Variants in CPED1 observed in about 807,000 individuals in gnomAD.
CPED1 encodes the protein cadherin-like and PC-esterase domain-containing protein 1.
Under a neutral mutation model 128.2 loss-of-function variants are expected in CPED1, and 114 were observed. The observed-to-expected ratio is 0.89, with a 90% confidence interval of 0.76 to 1.04. CPED1 has a LOEUF of 1.04. Ranked by LOEUF, CPED1 falls within the 50% of genes least tolerant of loss-of-function variation. The pLI, the probability that CPED1 is intolerant of heterozygous loss-of-function variation, is 0.00. For missense variants in CPED1, 1,211 were observed against 1,207.1 expected (o/e 1.00, Z -0.05); for synonymous variants, 462 against 426.7 (o/e 1.08, Z -1.02).
chr7:121,152,071 C>T (rs766119397), intron 16 of CPED1, among the ~76,000 whole-genome samples: 1 of 151,956 alleles, frequency 6.6e-6, no homozygotes, highest in Non-Finnish European at 1.5e-5. Context: ...TCTTTTTCAC[C>T]CACACCCTTT....
chr7:121,191,017 G>A (rs957155884), intron 16 of CPED1, among the ~76,000 whole-genome samples: 1 of 152,120 alleles, frequency 6.6e-6, no homozygotes, highest in Non-Finnish European at 1.5e-5. Context: ...GGCTGTTATA[G>A]TATTGTTCCT....
intron 10 of CPED1, among the ~76,000 whole-genome samples, chr7:121,127,504 T>C (rs551850794): frequency 2.0e-5 from 3 of 151,398 alleles, no homozygotes; most frequent in Non-Finnish European, 4.4e-5. Flanking sequence ...AATTTCTTAT[T>C]TTTTCTTTTT....
intron 16 of CPED1, among the ~76,000 whole-genome samples, chr7:121,155,202 A>T (rs1040632994): frequency 6.6e-6 from 1 of 152,244 alleles, no homozygotes; most frequent in Non-Finnish European, 1.5e-5. Flanking sequence ...TAAAACTCTG[A>T]TAAAAGAGGT....
At chr7:121,089,126 G>C (rs926739665) in intron 5 of CPED1, among the ~76,000 whole-genome samples, 3 of 152,150 alleles carry the variant, frequency 2.0e-5, no homozygotes, top group African/African-American at 4.8e-5. Flanking sequence ...TGGAGGGAAA[G>C]AACCTCAAGG....
At chr7:121,069,692 T>G (rs1198376736) in intron 5 of CPED1, among the ~76,000 whole-genome samples, 2 of 152,150 alleles carry the variant, frequency 1.3e-5, no homozygotes, top group African/African-American at 4.8e-5. Flanking sequence ...GAAAAAAAAG[T>G]GTCATACTTG....
At chr7:121,196,587 C>A (rs183622013) in intron 16 of CPED1, among the ~76,000 whole-genome samples, 14 of 152,170 alleles carry the variant, frequency 9.2e-5, no homozygotes, top group Non-Finnish European at 1.6e-4. Context: ...TCCTGTCTCC[C>A]AGCTGTGAGA....
chr7:121,198,297 A>G (rs1429495384), intron 16 of CPED1, among the ~76,000 whole-genome samples: 1 of 152,184 alleles, frequency 6.6e-6, no homozygotes, highest in Non-Finnish European at 1.5e-5. Flanking sequence ...TCTGAGTGTC[A>G]TGAGCACACA....
chr7:121,049,640 A>G (rs1793299015), intron 4 of CPED1, among the ~76,000 whole-genome samples: 2 of 152,224 alleles, frequency 1.3e-5, no homozygotes, highest in East Asian at 1.9e-4. Context: ...TTGCCTAACA[A>G]TACCCTTTTC....
intron 3 of CPED1, among the ~76,000 whole-genome samples, chr7:121,031,795 T>A (rs1792742063): frequency 6.6e-6 from 1 of 152,204 alleles, no homozygotes; most frequent in African/African-American, 2.4e-5. Context: ...ATTGACTAAA[T>A]ACATTTAAAA....
chr7:121,273,707 A>G (rs1476040978), intron 22 of CPED1, among the ~76,000 whole-genome samples: 1 of 152,138 alleles, frequency 6.6e-6, no homozygotes, highest in African/African-American at 2.4e-5. Context: ...TGACATTTTA[A>G]ATTTTGACCT....
chr7:121,186,133 T>A (rs896535644), intron 16 of CPED1, among the ~76,000 whole-genome samples: 3 of 152,182 alleles, frequency 2.0e-5, no homozygotes, highest in Admixed American at 2.0e-4. Flanking sequence ...CCAAAACTAT[T>A]CTGTATCCAA....
chr7:121,021,546 A>T (rs554239360), intron 3 of CPED1, among the ~76,000 whole-genome samples: 1 of 152,130 alleles, frequency 6.6e-6, no homozygotes. Context: ...GTCGAGCTTT[A>T]AATTGCCCAT....
intron 1 of CPED1, 88 bp downstream of exon 1, chr7:120,989,000 A>T (rs1217719401): frequency 1.3e-5 from 2 of 152,548 alleles, no homozygotes; most frequent in Non-Finnish European, 2.9e-5. Context: ...CAAATTGCGT[A>T]TGCCCTTTTT....
chr7:121,126,558 A>G (rs1168002692), intron 9 of CPED1, among the ~76,000 whole-genome samples: 5 of 152,138 alleles, frequency 3.3e-5, no homozygotes, highest in Non-Finnish European at 7.4e-5. Context: ...GGAAAATAAA[A>G]TTATGTATAA....
chr7:121,120,226 T>C (rs557172101), intron 7 of CPED1, among the ~76,000 whole-genome samples: 13 of 152,294 alleles, frequency 8.5e-5, no homozygotes, highest in South Asian at 4.1e-4. Flanking sequence ...AACCACCAAA[T>C]TGCTATTCAA....
chr7:121,103,081 AT>A (rs1794892935), intron 7 of CPED1, among the ~76,000 whole-genome samples: 1 of 152,140 alleles, frequency 6.6e-6, no homozygotes, highest in African/African-American at 2.4e-5. Context: ...GTTTTTATTT[AT>A]GTATTTCCTG....
intron 18 of CPED1, among the ~76,000 whole-genome samples, chr7:121,265,153 A>G (rs1461592941): frequency 1.3e-5 from 2 of 152,048 alleles, no homozygotes; most frequent in African/African-American, 4.8e-5. Flanking sequence ...AACATAAGGA[A>G]AAGCAGATGT....
rs78011282 is a variant in CPED1 at position 120,998,218 on chromosome 7, T to C, written c.249+8348T>C. Among the ~76,000 whole-genome samples the C allele has an allele frequency of 4.5e-3, 683 of 152,308 alleles. 5 individuals are homozygous for C. The highest frequency in any genetic ancestry group is 0.015 in the African/African-American group (643 of 41,568). ...TTACGAGATTTAGTAAGCAAGCTTC[T>C]CTTGTTTTAAACTATCCAGCTTCGA... is the stretch of plus-strand genomic sequence containing the variant. On this transcript the variant is annotated intron_variant, in intron 2 of 22. Coordinates refer to ENST00000310396, the MANE Select transcript of CPED1 (RefSeq NM_024913.5).
Position 121,284,200 on chromosome 7 carries a change from C to T in CPED1, c.2869-11240C>T, listed in dbSNP as rs1030879287. Among the ~76,000 whole-genome samples, 6 of 152,166 alleles carry T rather than the reference C, an allele frequency of 3.9e-5. No homozygotes were observed. In the East Asian group the frequency reaches 5.8e-4, roughly 15 times the overall value. ...AGTGGGGGAAAAGTCCCTTATAAAA[C>T]CATCAGATCTTGTGAGAACTCATTC... On this transcript the variant is annotated intron_variant, in intron 22 of 22. Transcript: ENST00000310396.
Sources: gnomAD v4.1 joint callset for allele counts (sites outside exome capture counted in the v4.1 genomes callset) on GRCh38, gnomAD v4.1.1 for gene constraint, MANE v1.5 for transcripts, NCBI Gene and HGNC (gene_info 2026-07-23, HGNC 2026-07-21) for gene names.